The following CNTN1 variants were observed in gnomAD, a reference collection of about 807,000 sequenced individuals.
The protein encoded by CNTN1 is contactin-1.
Under a neutral mutation model 126.4 loss-of-function variants are expected in CNTN1, and 38 were observed. The observed-to-expected ratio is 0.30, with a 90% CI of 0.23 to 0.39. The LOEUF is 0.39. CNTN1 is among the 10% of genes least tolerant of loss of function. The probability of loss-of-function intolerance (pLI) is 1.00; values close to 1 mark genes in which losing one functional copy is unlikely to be tolerated. For missense variants in CNTN1, 1,009 were observed against 1,248.4 expected, an observed-to-expected ratio of 0.81 and a Z score of 2.89; for synonymous variants, 413 against 422.6, an observed-to-expected ratio of 0.98 and a Z score of 0.28.
At chr12:41,053,468 T>TATATATATATATATATATATATA (rs60201950) in intron 23 of CNTN1, among the ~76,000 whole-genome samples, 6 of 130,864 alleles carry the variant, frequency 4.6e-5, no homozygotes, top group Non-Finnish European at 6.4e-5. Flanking sequence ...TATATATATA[T>TATATATATATATATATATATATA]TTGCCAATAA....
intron 1 of CNTN1, among the ~76,000 whole-genome samples, chr12:40,783,664 A>G (rs772908054): frequency 6.2e-4 from 94 of 152,216 alleles, no homozygotes; most frequent in Non-Finnish European, 1.1e-3. Context: ...ATTTAAAACA[A>G]CTTGTATTTT....
chr12:40,924,011 G>A lies in CNTN1; in HGVS notation c.401-546G>A, dbSNP rs372836625. Among the ~76,000 whole-genome samples the A allele has an allele frequency of 1.1e-4, 17 of 152,086 alleles. No individual in the cohort carries two copies. In the South Asian group the frequency reaches 3.5e-3, roughly 32 times the overall value. ...ATGTAAGTTCCAAATACATAGAAAAGAGTAAAGAAAATTAGAACTGAAACA... is the reference window on the plus strand; with the variant it reads ...ATGTAAGTTCCAAATACATAGAAAAAAGTAAAGAAAATTAGAACTGAAACA... On this transcript the variant is annotated intron_variant, in intron 5 of 23. Coordinates refer to ENST00000551295, the MANE Select transcript of CNTN1 (RefSeq NM_001843.4).
At chr12:40,960,033 T>C (rs1241405760) in intron 15 of CNTN1, among the ~76,000 whole-genome samples, 1 of 152,144 alleles carries the variant, frequency 6.6e-6, no homozygotes, top group Non-Finnish European at 1.5e-5. Context: ...CTTTTTCTCA[T>C]GATTTGTTGA....
At chr12:41,040,523 A>T (rs2120940759) in intron 23 of CNTN1, among the ~76,000 whole-genome samples, 1 of 152,268 alleles carries the variant, frequency 6.6e-6, no homozygotes, top group Non-Finnish European at 1.5e-5. Flanking sequence ...CATTTTCACG[A>T]TATTGATTCT....
intron 1 of CNTN1, among the ~76,000 whole-genome samples, chr12:40,731,577 G>A (rs555029851): frequency 1.3e-5 from 2 of 151,990 alleles, no homozygotes; most frequent in African/African-American, 4.8e-5. Context: ...TTTTATTGGG[G>A]AAAGAATGAA....
chr12:40,722,908 T>C (rs1942254880), intron 1 of CNTN1, among the ~76,000 whole-genome samples: 1 of 152,062 alleles, frequency 6.6e-6, no homozygotes, highest in South Asian at 2.1e-4. Flanking sequence ...TTTTTTCCTA[T>C]GTAAAGGAAA....
At chr12:40,754,864 T>C (rs1938538106) in intron 1 of CNTN1, among the ~76,000 whole-genome samples, 1 of 152,074 alleles carries the variant, frequency 6.6e-6, no homozygotes. Context: ...TCGTTGTTGC[T>C]TTATAATATG....
At chr12:41,039,165 A>G (rs1424084491) in intron 23 of CNTN1, among the ~76,000 whole-genome samples, 2 of 152,178 alleles carry the variant, frequency 1.3e-5, no homozygotes, top group East Asian at 3.9e-4. Flanking sequence ...TGACATGATC[A>G]GATTTATATT....
chr12:40,847,517 A>G (rs1243830308), intron 1 of CNTN1, among the ~76,000 whole-genome samples: 20 of 152,114 alleles, frequency 1.3e-4, no homozygotes, highest in Non-Finnish European at 2.6e-4. Flanking sequence ...ATTTCAGGGG[A>G]AAAAAACTGA....
At chr12:41,008,791 A>G (rs1241165714) in intron 17 of CNTN1, among the ~76,000 whole-genome samples, 1 of 152,182 alleles carries the variant, frequency 6.6e-6, no homozygotes, top group African/African-American at 2.4e-5. Flanking sequence ...TTTCTTTAGG[A>G]CAAGTATTTC....
At chr12:40,834,489 A>C (rs1158659087) in intron 1 of CNTN1, among the ~76,000 whole-genome samples, 1 of 152,178 alleles carries the variant, frequency 6.6e-6, no homozygotes, top group African/African-American at 2.4e-5. Context: ...CTGGGAGGGA[A>C]TCTGGAGGCG....
Position 41,047,528 on chromosome 12 carries a change from TTCTC to T in CNTN1, c.2980+18313_2980+18316del, listed in dbSNP as rs371024183. Among the ~76,000 whole-genome samples, 599 of 152,002 alleles carry T rather than the reference TTCTC, an allele frequency of 3.9e-3. 7 individuals carry two copies. The highest frequency in any genetic ancestry group is 0.014 in the African/African-American group (576 of 41,478). On this transcript the variant is annotated intron_variant, in intron 23 of 23. Transcript: ENST00000551295. ...TTTTGTCACTTCTACAGTATTCTCT[TTCTC>T]TCTTGCCTAAAAAGCTCTGCTTGGA... is the stretch of plus-strand genomic sequence containing the variant.
Position 40,943,598 on chromosome 12 carries a change from A to G in CNTN1, c.1381A>G (p.Ile461Val), listed in dbSNP as rs1337032945. The change falls in exon 13 of 24, where the codon ATA becomes GTA. Residue 461 changes from isoleucine (I) to valine (V), a missense_variant and splice_region_variant. Transcript: ENST00000551295. ...TTATATATATTTTTATTTCACTAGA[A>G]TACTCATTTGGGAAGATGGTAGCTT... ...GTEWLVNSSR[I>V]LIWEDGSLEI... The G allele has an allele frequency of 1.3e-6, 2 of 1,562,132 alleles. No homozygotes were observed. Among genetic ancestry groups the G allele is most frequent in the Admixed American group, 1.7e-5 (1 of 59,832 alleles).
At chr12:40,893,617 C>G (rs1282492654) in intron 1 of CNTN1, among the ~76,000 whole-genome samples, 1 of 152,114 alleles carries the variant, frequency 6.6e-6, no homozygotes, top group Non-Finnish European at 1.5e-5. Flanking sequence ...AGATACAGCT[C>G]TTACTGCTTC....
chr12:41,070,132 A>C lies in CNTN1; in HGVS notation c.*97A>C. 2.9e-6 allele frequency: 3 copies of C among 1,049,200 alleles called. No homozygotes were observed. The highest frequency in any genetic ancestry group is 4.4e-6 in the Non-Finnish European group (3 of 676,464). The allele number at this position is 1,049,200 out of a possible 1,614,324, so 65.0% of individuals were successfully genotyped here. A position where few individuals can be genotyped will look rare whatever the true frequency, so the allele number is the denominator to read the frequency against. ...CTTCCAATTTCTGCGGCTCCATCCT[A>C]AGCCAAATAAATTATACTTTAACAA... On this transcript the variant is annotated 3_prime_UTR_variant, in exon 24 of 24. Transcript: ENST00000551295.
At chr12:40,971,171 G>C (rs1204979876) in intron 15 of CNTN1, among the ~76,000 whole-genome samples, 1 of 152,070 alleles carries the variant, frequency 6.6e-6, no homozygotes, top group Admixed American at 6.6e-5. Context: ...TTTGTTTTTT[G>C]AGGAGAGACT....
At position 41,025,195 on chromosome 12, in the gene CNTN1, G is replaced by A. The variant is rs1348781397; in HGVS notation, c.2569G>A (p.Val857Ile). The A allele has an allele frequency of 6.2e-7, 1 of 1,613,840 alleles. No homozygotes were observed. Among genetic ancestry groups the A allele is most frequent in the African/African-American group, 1.3e-5 (1 of 74,888 alleles). ...AHDKEEAANRVQVTSQEYSAR... is the reference protein window; with the variant it reads ...AHDKEEAANRIQVTSQEYSAR... ...TGACAAAGAAGAAGCTGCAAACAGA[G>A]TTCAAGTCACCAGCCAAGAGTACTC... The change falls in exon 21 of 24, where the codon GTT becomes ATT. Residue 857 changes from valine to isoleucine, a missense_variant. Val to Ile is a conservative substitution (Grantham distance 29). Transcript: ENST00000551295.
At chr12:40,732,723 T>A (rs1043467434) in intron 1 of CNTN1, among the ~76,000 whole-genome samples, 2 of 152,068 alleles carry the variant, frequency 1.3e-5, no homozygotes, top group African/African-American at 4.8e-5. Context: ...GCCTACAGAA[T>A]TTTTTGTCCA....
intron 14 of CNTN1, among the ~76,000 whole-genome samples, chr12:40,951,050 G>T (rs1425778481): frequency 6.6e-6 from 1 of 151,890 alleles, no homozygotes; most frequent in East Asian, 1.9e-4. Flanking sequence ...AAAGCTAAGG[G>T]GAACCAACTT....
Sources: allele counts gnomAD v4.1 joint callset (sites outside exome capture counted in the v4.1 genomes callset), GRCh38; gene constraint gnomAD v4.1.1; transcripts MANE v1.5; gene names NCBI Gene and HGNC (gene_info 2026-07-23, HGNC 2026-07-21).